Variants in AKAP6 observed in about 807,000 individuals in gnomAD.
The protein encoded by AKAP6 is A-kinase anchoring protein 6, also known as A-kinase anchor protein 6.
Under a neutral mutation model 188.5 loss-of-function variants are expected in AKAP6, and 58 were observed. That is an observed-to-expected ratio of 0.31 (90% CI 0.25 to 0.38). AKAP6 has a LOEUF of 0.38. AKAP6 is among the 10% of genes least tolerant of loss of function. The probability of loss-of-function intolerance (pLI) is 1.00; values close to 1 mark genes in which losing one functional copy is unlikely to be tolerated. For missense variants in AKAP6, 2,710 were observed against 2,740.0 expected (o/e 0.99, Z 0.24); for synonymous variants, 989 against 998.6 (o/e 0.99, Z 0.18).
intron 7 of AKAP6, among the ~76,000 whole-genome samples, chr14:32,630,045 G>A (rs1887202116): frequency 6.6e-6 from 1 of 152,120 alleles, no homozygotes; most frequent in Admixed American, 6.5e-5. Context: ...CCATTTCTGT[G>A]TGGGATCTGG....
At chr14:32,597,592 C>T (rs1029712872) in intron 5 of AKAP6, among the ~76,000 whole-genome samples, 4 of 152,124 alleles carry the variant, frequency 2.6e-5, no homozygotes, top group Non-Finnish European at 4.4e-5. Flanking sequence ...TATGAGGCTT[C>T]CCATACATTG....
intron 11 of AKAP6, among the ~76,000 whole-genome samples, chr14:32,752,639 C>T (rs899984648): frequency 7.9e-5 from 12 of 152,150 alleles, no homozygotes; most frequent in Non-Finnish European, 8.8e-5. Flanking sequence ...TGCTTTCTAA[C>T]TGAAACTTTG....
At chr14:32,723,559 A>G (rs12893942) in intron 9 of AKAP6, among the ~76,000 whole-genome samples, 111,663 of 136,790 alleles carry the variant, frequency 0.82, 43,401 homozygotes, top group South Asian at 0.93. Context: ...GTATGTGTTT[A>G]TGTGTGTGTG....
intron 2 of AKAP6, among the ~76,000 whole-genome samples, chr14:32,523,756 C>T (rs1249303348): frequency 1.4e-5 from 2 of 145,098 alleles, no homozygotes; most frequent in East Asian, 2.0e-4. Flanking sequence ...TGTGAGCCAC[C>T]ATGCCTGGCC....
intron 4 of AKAP6, among the ~76,000 whole-genome samples, chr14:32,550,220 G>A (rs1018678933): frequency 1.4e-4 from 21 of 152,216 alleles, no homozygotes; most frequent in South Asian, 8.3e-4. Context: ...TCAGCATCTG[G>A]AGACTGGTGT....
chr14:32,511,228 C>G (rs1416473466), intron 2 of AKAP6, among the ~76,000 whole-genome samples: 1 of 152,228 alleles, frequency 6.6e-6, no homozygotes, highest in African/African-American at 2.4e-5. Flanking sequence ...CTCTGTACAT[C>G]TAGCTTTCTC....
intron 1 of AKAP6, among the ~76,000 whole-genome samples, chr14:32,372,253 A>G (rs1331032029): frequency 2.6e-5 from 4 of 152,256 alleles, no homozygotes; most frequent in Admixed American, 2.0e-4. Context: ...GTATTTATTA[A>G]TGTAACATTT....
intron 7 of AKAP6, among the ~76,000 whole-genome samples, chr14:32,624,907 A>G (rs895045731): frequency 6.6e-6 from 1 of 152,158 alleles, no homozygotes; most frequent in African/African-American, 2.4e-5. Context: ...CAAGTAGAAT[A>G]ATAAACATAT....
At chr14:32,475,970 A>G (rs1188705526) in intron 2 of AKAP6, among the ~76,000 whole-genome samples, 4 of 152,060 alleles carry the variant, frequency 2.6e-5, no homozygotes, top group Non-Finnish European at 5.9e-5. Flanking sequence ...GGCGTGAGCC[A>G]CTGCGCCTGG....
chr14:32,709,511 T>C (rs985118876), intron 9 of AKAP6, among the ~76,000 whole-genome samples: 1 of 152,020 alleles, frequency 6.6e-6, no homozygotes, highest in Non-Finnish European at 1.5e-5. Context: ...CTAAGAGATT[T>C]TGTACAGTTA....
At chr14:32,561,500 G>A (rs1883953557) in intron 4 of AKAP6, among the ~76,000 whole-genome samples, 1 of 152,160 alleles carries the variant, frequency 6.6e-6, no homozygotes, top group East Asian at 1.9e-4. Flanking sequence ...TCATTTCTTT[G>A]TACAATATTC....
At chr14:32,774,761 C>T (rs937305045) in intron 12 of AKAP6, among the ~76,000 whole-genome samples, 2 of 152,132 alleles carry the variant, frequency 1.3e-5, no homozygotes, top group South Asian at 4.1e-4. Flanking sequence ...TACATACATA[C>T]ATACATACAT....
Position 32,821,599 on chromosome 14 carries a change from C to G in AKAP6, c.3786C>G (p.Asp1262Glu), listed in dbSNP as rs749053344. ...GETSNEDPGYDEEADNHGGSQ... is the reference protein window; with the variant it reads ...GETSNEDPGYEEEADNHGGSQ... ...CAAGTAATGAGGACCCTGGTTATGA[C>G]GAGGAGGCTGATAACCATGGGGGAT... is the stretch of plus-strand genomic sequence containing the variant. Residue 1262 changes from aspartate (D) to glutamate (E), a missense_variant, in exon 13 of 14, where the codon GAC (aspartate) becomes GAG (glutamate). Asp to Glu is a conservative substitution (Grantham distance 45, BLOSUM62 2). Around this residue, in one of 2 missense-constraint regions of AKAP6, gnomAD observed 2,473 missense variants for 2,426.1 expected, o/e 1.02. Transcript: ENST00000280979. The G allele has an allele frequency of 1.2e-6, 2 of 1,613,476 alleles. No individual in the cohort carries two copies. The highest frequency in any genetic ancestry group is 1.7e-6 in the Non-Finnish European group (2 of 1,179,824).
At chr14:32,772,336 A>G (rs528590432) in intron 11 of AKAP6, among the ~76,000 whole-genome samples, 1 of 152,326 alleles carries the variant, frequency 6.6e-6, no homozygotes, top group African/African-American at 2.4e-5. Flanking sequence ...AAAATAAATA[A>G]GGATAAGTTC....
intron 2 of AKAP6, among the ~76,000 whole-genome samples, chr14:32,490,315 A>G (rs1034322103): frequency 2.6e-5 from 4 of 152,158 alleles, no homozygotes; most frequent in Admixed American, 1.3e-4. Flanking sequence ...TTTGCTCAAC[A>G]TGTTTATGAG....
chr14:32,510,380 G>A (rs867707932), intron 2 of AKAP6, among the ~76,000 whole-genome samples: 3 of 95,404 alleles, frequency 3.1e-5, no homozygotes, highest in South Asian at 2.7e-4. Flanking sequence ...ATATATATGT[G>A]TATATATATA....
intron 12 of AKAP6, among the ~76,000 whole-genome samples, chr14:32,782,194 G>C: frequency 6.9e-6 from 1 of 144,266 alleles, no homozygotes; most frequent in Non-Finnish European, 1.5e-5. Context: ...AGGGAGGGAG[G>C]GAGGGAGGGA....
chr14:32,395,901 C>A (rs1282936920), intron 1 of AKAP6, among the ~76,000 whole-genome samples: 1 of 152,108 alleles, frequency 6.6e-6, no homozygotes, highest in South Asian at 2.1e-4. Context: ...AGATGAGGAC[C>A]CACTGTTATT....
At chr14:32,479,444 T>C (rs1415154866) in intron 2 of AKAP6, among the ~76,000 whole-genome samples, 1 of 152,186 alleles carries the variant, frequency 6.6e-6, no homozygotes, top group Non-Finnish European at 1.5e-5. Flanking sequence ...ATTATTTACA[T>C]GTAATAAAAA....
Sources: allele counts gnomAD v4.1 joint callset (sites outside exome capture counted in the v4.1 genomes callset), GRCh38; gene constraint gnomAD v4.1.1; regional missense constraint gnomAD v4.1.1; transcripts MANE v1.5; gene names NCBI Gene and HGNC (gene_info 2026-07-23, HGNC 2026-07-21).